The following IGSF3 variants were observed in gnomAD, a reference collection of about 807,000 sequenced individuals.
The protein encoded by IGSF3 is immunoglobulin superfamily member 3.
A neutral mutation model predicts 114.4 loss-of-function variants in IGSF3; 23 were observed. The ratio of observed to expected loss-of-function variants is 0.20; its 90% CI spans 0.14 to 0.28. IGSF3 has a LOEUF of 0.28. Ranked by LOEUF, IGSF3 falls within the 10% of genes least tolerant of loss-of-function variation. The pLI is 1.00. For synonymous variants in IGSF3, 571 were observed against 645.2 expected (o/e 0.88, Z 1.74); for missense variants, 1,172 against 1,591.5 (o/e 0.74, Z 4.48).
rs1482728143 is a variant in IGSF3 at position 116,628,372 on chromosome 1, C to G, written c.44-11915G>C. On this transcript the variant is annotated intron_variant, in intron 2 of 10. Transcript: ENST00000369486. This position sits in a 1 kb window ranked among gnomAD's most constrained non-coding sequence, Gnocchi z 4.2. ...ACTGTGGTTCTCAGCGCAAATTCCC[C>G]AGAAAGCAATCTGACTGGCTGGGAG... 6.6e-6 allele frequency among the ~76,000 whole-genome samples: 1 copy of G among 152,130 alleles called. No homozygotes were observed. The highest frequency in any genetic ancestry group is 6.5e-5 in the Admixed American group (1 of 15,276).
Position 116,593,785 on chromosome 1 carries a change from G to A in IGSF3, c.2030-4681C>T, listed in dbSNP as rs1392325075. Among the ~76,000 whole-genome samples the A allele has an allele frequency of 2.0e-5, 3 of 152,184 alleles. No homozygotes were observed. Among genetic ancestry groups the A allele is most frequent in the Non-Finnish European group, 2.9e-5 (2 of 68,030 alleles). ...CCCACGGCTGCCCACCCCACAGCCCGTGACAGCAGTTCTCAATAAGGCAGC... is the reference window on the plus strand; with the variant it reads ...CCCACGGCTGCCCACCCCACAGCCCATGACAGCAGTTCTCAATAAGGCAGC... On this transcript the variant is annotated intron_variant, in intron 7 of 10. Coordinates refer to ENST00000369486, the MANE Select transcript of IGSF3 (RefSeq NM_001007237.3). The surrounding 1 kb of genome is among the most constrained non-coding windows in gnomAD (Gnocchi z 4.5).
chr1:116,621,292 T>C (rs1258496627), intron 2 of IGSF3, among the ~76,000 whole-genome samples: 4 of 152,272 alleles, frequency 2.6e-5, no homozygotes, highest in Non-Finnish European at 5.9e-5. Context: ...TAAACCTCTT[T>C]TCTTTATAAA....
intron 5 of IGSF3, among the ~76,000 whole-genome samples, chr1:116,604,745 C>T (rs950325255): frequency 1.3e-5 from 2 of 152,168 alleles, no homozygotes; most frequent in Non-Finnish European, 2.9e-5. Flanking sequence ...AAACATTTGG[C>T]CAATCAAAAG....
chr1:116,655,987 G>C lies in IGSF3; in HGVS notation c.43+10297C>G, dbSNP rs1220188483. Among the ~76,000 whole-genome samples, 1 of 151,970 alleles carries C rather than the reference G, an allele frequency of 6.6e-6. No homozygotes were observed. The highest frequency in any genetic ancestry group is 1.5e-5 in the Non-Finnish European group (1 of 68,008). On this transcript the variant is annotated intron_variant, in intron 2 of 10. Coordinates refer to ENST00000369486, the MANE Select transcript of IGSF3 (RefSeq NM_001007237.3). The surrounding 1 kb of genome is among the most constrained non-coding windows in gnomAD (Gnocchi z 4.3). ...ATTTATTGTTATATAGTTATTGAAGGAGGCTCACTACTCCCCAATGATTTC... is the reference window on the plus strand; with the variant it reads ...ATTTATTGTTATATAGTTATTGAAGCAGGCTCACTACTCCCCAATGATTTC...
chr1:116,656,884 T>C (rs1053266941), intron 2 of IGSF3, among the ~76,000 whole-genome samples: 2 of 152,072 alleles, frequency 1.3e-5, no homozygotes, highest in African/African-American at 4.8e-5. Context: ...GCCAAGATTG[T>C]GCCACTGCAC....
intron 2 of IGSF3, among the ~76,000 whole-genome samples, chr1:116,653,320 A>G (rs1297028029): frequency 6.6e-6 from 1 of 152,232 alleles, no homozygotes; most frequent in Non-Finnish European, 1.5e-5. Context: ...CACCAGCTCT[A>G]GGACATCAGA....
At position 116,611,577 on chromosome 1, in the gene IGSF3, C is replaced by T. The variant is rs374804372; in HGVS notation, c.832+2188G>A. On this transcript the variant is annotated intron_variant, in intron 4 of 10. Coordinates refer to ENST00000369486, the MANE Select transcript of IGSF3 (RefSeq NM_001007237.3). ...TCACACACATCTGGAACTCAACATCCGGAACTAGTCATACTTGACTCCTTT... is the reference window on the plus strand; with the variant it reads ...TCACACACATCTGGAACTCAACATCTGGAACTAGTCATACTTGACTCCTTT... Among the ~76,000 whole-genome samples the T allele has an allele frequency of 1.2e-4, 19 of 152,034 alleles. No homozygotes were observed. In the South Asian group the frequency reaches 3.1e-3, roughly 25 times the overall value.
Position 116,648,741 on chromosome 1 carries a change from A to C in IGSF3, c.43+17543T>G, listed in dbSNP as rs1648508792. ...CTGGAGATCTGGAACTTCTTCCTGA[A>C]GCTCCATGTTTAGCCAGATAATTGA... On this transcript the variant is annotated intron_variant, in intron 2 of 10. Coordinates refer to ENST00000369486, the MANE Select transcript of IGSF3 (RefSeq NM_001007237.3). This position sits in a 1 kb window ranked among gnomAD's most constrained non-coding sequence, Gnocchi z 4.7. 6.6e-6 allele frequency among the ~76,000 whole-genome samples: 1 copy of C among 152,160 alleles called. No homozygotes were observed. The highest frequency in any genetic ancestry group is 2.1e-4 in the South Asian group (1 of 4,828).
In IGSF3 at chr1:116,585,122, G is replaced by A; in HGVS notation, c.2441-70C>T. Reference sequence around the variant, plus strand: ...CAATTCGTACGCACCCTTTCCCAGGGTAGGTGAATGGATGCCTTCCAAATA... The same window carrying A: ...CAATTCGTACGCACCCTTTCCCAGGATAGGTGAATGGATGCCTTCCAAATA... On this transcript the variant is annotated intron_variant, in intron 8 of 10. Transcript: ENST00000369486. The surrounding 1 kb of genome is among the most constrained non-coding windows in gnomAD (Gnocchi z 4.9). The A allele has an allele frequency of 8.2e-7, 1 of 1,213,718 alleles. No homozygotes were observed. The highest frequency in any genetic ancestry group is 1.6e-5 in the South Asian group (1 of 60,920). The allele number at this position is 1,213,718 out of a possible 1,614,324, so 75.2% of individuals were successfully genotyped here.
chr1:116,650,473 T>C lies in IGSF3; in HGVS notation c.43+15811A>G, dbSNP rs1322828466. Among the ~76,000 whole-genome samples the C allele has an allele frequency of 6.6e-6, 1 of 152,168 alleles. No homozygotes were observed. Among genetic ancestry groups the C allele is most frequent in the Non-Finnish European group, 1.5e-5 (1 of 68,038 alleles). Reference sequence around the variant, plus strand: ...TGGCCAAAACCATGTCACACGCCCATGTCTAAATTACGGGCCTCCAGGATG... The same window carrying C: ...TGGCCAAAACCATGTCACACGCCCACGTCTAAATTACGGGCCTCCAGGATG... On this transcript the variant is annotated intron_variant, in intron 2 of 10. Coordinates refer to ENST00000369486, the MANE Select transcript of IGSF3 (RefSeq NM_001007237.3). This position sits in a 1 kb window ranked among gnomAD's most constrained non-coding sequence, Gnocchi z 5.0.
At position 116,647,143 on chromosome 1, in the gene IGSF3, A is replaced by C. The variant is rs1648416157; in HGVS notation, c.43+19141T>G. On this transcript the variant is annotated intron_variant, in intron 2 of 10. Transcript: ENST00000369486. The surrounding 1 kb of genome is among the most constrained non-coding windows in gnomAD (Gnocchi z 4.6). Reference sequence around the variant, plus strand: ...AAAGGTATGGCAGGTGACAAAAAAGATGAGGCTGAAGGTCAGGAGAGACCC... The same window carrying C: ...AAAGGTATGGCAGGTGACAAAAAAGCTGAGGCTGAAGGTCAGGAGAGACCC... Among the ~76,000 whole-genome samples the C allele has an allele frequency of 6.6e-6, 1 of 152,218 alleles. No homozygotes were observed. Among genetic ancestry groups the C allele is most frequent in the Non-Finnish European group, 1.5e-5 (1 of 68,024 alleles).
In IGSF3 at chr1:116,655,973, T is replaced by C. The variant is rs1225424245; in HGVS notation, c.43+10311A>G. Among the ~76,000 whole-genome samples the C allele has an allele frequency of 1.3e-5, 2 of 152,196 alleles. No individual in the cohort carries two copies. The highest frequency in any genetic ancestry group is 2.4e-5 in the African/African-American group (1 of 41,438). On this transcript the variant is annotated intron_variant, in intron 2 of 10. Transcript: ENST00000369486. The surrounding 1 kb of genome is among the most constrained non-coding windows in gnomAD (Gnocchi z 4.3). ...CCTGATACAGCAAAATTTATTGTTATATAGTTATTGAAGGAGGCTCACTAC... is the reference window on the plus strand; with the variant it reads ...CCTGATACAGCAAAATTTATTGTTACATAGTTATTGAAGGAGGCTCACTAC...
In IGSF3 at chr1:116,616,846, A is replaced by T. The variant is rs533930150; in HGVS notation, c.44-389T>A. On this transcript the variant is annotated intron_variant, in intron 2 of 10. Transcript: ENST00000369486. This position sits in a 1 kb window ranked among gnomAD's most constrained non-coding sequence, Gnocchi z 6.6. ...ATCCTTGGCACAAATTCAGATGAAAACAAATAAAAGCAACCATCTAGAAAT... is the reference window on the plus strand; with the variant it reads ...ATCCTTGGCACAAATTCAGATGAAATCAAATAAAAGCAACCATCTAGAAAT... Among the ~76,000 whole-genome samples the T allele has an allele frequency of 6.6e-6, 1 of 152,312 alleles. No individual in the cohort carries two copies. Among genetic ancestry groups the T allele is most frequent in the Admixed American group, 6.5e-5 (1 of 15,306 alleles).
chr1:116,642,560 A>C lies in IGSF3; in HGVS notation c.43+23724T>G, dbSNP rs1648157411. On this transcript the variant is annotated intron_variant, in intron 2 of 10. Transcript: ENST00000369486. The surrounding 1 kb of genome is among the most constrained non-coding windows in gnomAD (Gnocchi z 5.4). ...AATTTGGCCTAGAACGGAGCTAAAA[A>C]CTGTCATAGTGGTGGGAAGAAGCAG... 1.3e-5 allele frequency among the ~76,000 whole-genome samples: 2 copies of C among 152,228 alleles called. No individual in the cohort carries two copies. The highest frequency in any genetic ancestry group is 4.8e-5 in the African/African-American group (2 of 41,458).
intron 8 of IGSF3, among the ~76,000 whole-genome samples, chr1:116,586,389 T>TTGTG (rs372655724): frequency 1.3e-5 from 2 of 151,432 alleles, no homozygotes; most frequent in African/African-American, 4.9e-5. Context: ...GGGGGGATTT[T>TTGTG]TGTGTGTGTG....
At position 116,577,935 on chromosome 1, in the gene IGSF3, C is replaced by T. The variant is rs2101280414; in HGVS notation, c.3335-373G>A. On this transcript the variant is annotated intron_variant, in intron 10 of 10. Transcript: ENST00000369486. The surrounding 1 kb of genome is among the most constrained non-coding windows in gnomAD (Gnocchi z 5.7). ...CTGCATGGTTGGATTTTACATGCCC[C>T]TTTGCACTTAGTTCTGCTACAGACT... 6.6e-6 allele frequency among the ~76,000 whole-genome samples: 1 copy of T among 152,272 alleles called. No homozygotes were observed. The highest frequency in any genetic ancestry group is 1.9e-4 in the East Asian group (1 of 5,186).
chr1:116,586,095 A>G (rs1251146518), intron 8 of IGSF3, among the ~76,000 whole-genome samples: 1 of 152,214 alleles, frequency 6.6e-6, no homozygotes, highest in Non-Finnish European at 1.5e-5. Context: ...TGAATGCACA[A>G]TAGCACCTCA....
chr1:116,601,847 G>T (rs546407345), intron 6 of IGSF3, among the ~76,000 whole-genome samples: 3 of 151,252 alleles, frequency 2.0e-5, no homozygotes, highest in African/African-American at 7.4e-5. Context: ...AGAACCTCAG[G>T]GACAGGACCC....
At chr1:116,635,831 C>T (rs1647802262) in intron 2 of IGSF3, among the ~76,000 whole-genome samples, 1 of 152,190 alleles carries the variant, frequency 6.6e-6, no homozygotes, top group Non-Finnish European at 1.5e-5. Flanking sequence ...CAGCCAATGC[C>T]CACTCATACT....
Sources: allele counts gnomAD v4.1 joint callset (sites outside exome capture counted in the v4.1 genomes callset), GRCh38; gene constraint gnomAD v4.1.1; non-coding constraint Gnocchi (gnomAD v3.1); transcripts MANE v1.5; gene names NCBI Gene and HGNC (gene_info 2026-07-23, HGNC 2026-07-21).